The following SLC38A1 variants were observed in gnomAD, a reference collection of about 807,000 sequenced individuals.
SLC38A1 encodes solute carrier family 38 member 1.
In SLC38A1, 18 loss-of-function variants were observed where a neutral mutation model predicts 60.3. The observed-to-expected ratio is 0.30, with a 90% CI of 0.21 to 0.44. The LOEUF is 0.44. SLC38A1 is among the 20% of genes least tolerant of loss of function. The pLI is 1.00. For synonymous variants in SLC38A1, 196 were observed against 212.1 expected, an observed-to-expected ratio of 0.92 and a Z score of 0.66; for missense variants, 448 against 587.2, an observed-to-expected ratio of 0.76 and a Z score of 2.45.
intron 8 of SLC38A1, among the ~76,000 whole-genome samples, chr12:46,206,628 C>T (rs904576508): frequency 6.6e-6 from 1 of 152,132 alleles, no homozygotes; most frequent in Non-Finnish European, 1.5e-5. Context: ...CTGGCTTCTA[C>T]GATTCTCCCT....
chr12:46,192,687 A>C lies in SLC38A1; in HGVS notation c.1363-3616T>G, dbSNP rs975210013. Among the ~76,000 whole-genome samples, 4 of 152,142 alleles carry C rather than the reference A, an allele frequency of 2.6e-5. No individual in the cohort carries two copies. The East Asian group carries it at 5.8e-4, about 22-fold the overall frequency. On this transcript the variant is annotated intron_variant, in intron 16 of 16. Transcript: ENST00000398637. Reference sequence around the variant, plus strand: ...AGGGTTTATGTGCCCAGGAATTTATACATTTCTTCTAGATTTTCTAGTTTA... The same window carrying C: ...AGGGTTTATGTGCCCAGGAATTTATCCATTTCTTCTAGATTTTCTAGTTTA...
chr12:46,266,166 A>G (rs1337058666), intron 1 of SLC38A1, among the ~76,000 whole-genome samples: 4 of 152,214 alleles, frequency 2.6e-5, no homozygotes, highest in Admixed American at 1.3e-4. Context: ...GTCTCGATCC[A>G]ACAAGTATTT....
intron 5 of SLC38A1, among the ~76,000 whole-genome samples, chr12:46,217,430 A>G (rs1157779551): frequency 6.6e-6 from 1 of 152,258 alleles, no homozygotes; most frequent in Non-Finnish European, 1.5e-5. Flanking sequence ...CTCCGAACAG[A>G]GAGACTTTGC....
chr12:46,224,444 G>A (rs1208992046), intron 5 of SLC38A1, among the ~76,000 whole-genome samples: 1 of 152,112 alleles, frequency 6.6e-6, no homozygotes, highest in Non-Finnish European at 1.5e-5. Flanking sequence ...AAAATGAGCT[G>A]CAAACTCATC....
At chr12:46,209,459 C>T (rs367783248) in intron 5 of SLC38A1, among the ~76,000 whole-genome samples, 4 of 152,114 alleles carry the variant, frequency 2.6e-5, no homozygotes, top group South Asian at 2.1e-4. Context: ...CTGTTACATC[C>T]GGGTGAGAAA....
chr12:46,222,982 C>A (rs890048699), intron 5 of SLC38A1, among the ~76,000 whole-genome samples: 7 of 152,070 alleles, frequency 4.6e-5, no homozygotes, highest in Admixed American at 3.3e-4. Context: ...GGAACACTGG[C>A]TGATTTTATA....
Position 46,183,077 on chromosome 12 carries a change from A to AT in SLC38A1, c.*5892dup, listed in dbSNP as rs1004937995. ...ACATTTTTAAATACTTTTAGTTCAC[A>AT]TTTTTTAATGTTTAAAAACTATGTT... On this transcript the variant is annotated 3_prime_UTR_variant, in exon 17 of 17. Transcript: ENST00000398637. The AT allele has an allele frequency of 6.6e-6, 1 of 152,512 alleles. No individual in the cohort carries two copies. Among genetic ancestry groups the AT allele is most frequent in the Non-Finnish European group, 1.5e-5 (1 of 68,016 alleles). 9.4% of individuals were successfully genotyped at this position (152,512 alleles called of 1,614,324 possible). A position where few individuals can be genotyped will look rare whatever the true frequency, so the allele number is the denominator to read the frequency against.
At chr12:46,257,107 G>A (rs1942057302) in intron 1 of SLC38A1, among the ~76,000 whole-genome samples, 2 of 152,218 alleles carry the variant, frequency 1.3e-5, no homozygotes, top group Admixed American at 6.5e-5. Flanking sequence ...TGTCAGTCAA[G>A]AAGTGATCTT....
At chr12:46,246,754 T>A (rs1257315530) in intron 1 of SLC38A1, among the ~76,000 whole-genome samples, 1 of 152,160 alleles carries the variant, frequency 6.6e-6, no homozygotes, top group Non-Finnish European at 1.5e-5. Context: ...CACCTCCTAG[T>A]AGGGGCTGAC....
chr12:46,231,981 A>G (rs1441503069), intron 3 of SLC38A1, among the ~76,000 whole-genome samples: 4 of 152,228 alleles, frequency 2.6e-5, no homozygotes, highest in African/African-American at 7.2e-5. Flanking sequence ...CATATGTATC[A>G]TTGATGTTGA....
chr12:46,188,797 T>A lies in SLC38A1; in HGVS notation c.*173A>T. On this transcript the variant is annotated 3_prime_UTR_variant, in exon 17 of 17. Transcript: ENST00000398637. ...ATTGATCTCAAATCTTGGAGGGACA[T>A]GAAGCATTATAGAACCATGTCTCTG... is the stretch of plus-strand genomic sequence containing the variant. The A allele has an allele frequency of 2.0e-6, 1 of 504,656 alleles. No individual in the cohort carries two copies. The highest frequency in any genetic ancestry group is 3.3e-5 in the Admixed American group (1 of 30,708). 31.3% of individuals were successfully genotyped at this position (504,656 alleles called of 1,614,324 possible).
intron 5 of SLC38A1, among the ~76,000 whole-genome samples, chr12:46,227,725 A>G (rs1038063342): frequency 4.6e-5 from 7 of 152,244 alleles, no homozygotes; most frequent in African/African-American, 1.7e-4. Context: ...AAATAGTCAC[A>G]GAACCATAGC....
At chr12:46,245,467 G>A (rs1941583251) in intron 1 of SLC38A1, among the ~76,000 whole-genome samples, 1 of 152,212 alleles carries the variant, frequency 6.6e-6, no homozygotes, top group Admixed American at 6.5e-5. Flanking sequence ...GATAACAAGT[G>A]TTGGCAAGGG....
chr12:46,257,779 C>G (rs539444762), intron 1 of SLC38A1, among the ~76,000 whole-genome samples: 1 of 152,216 alleles, frequency 6.6e-6, no homozygotes, highest in South Asian at 2.1e-4. Flanking sequence ...TTACAAGACC[C>G]CAACACTTAC....
chr12:46,245,713 T>G (rs1941592841), intron 1 of SLC38A1, among the ~76,000 whole-genome samples: 1 of 152,136 alleles, frequency 6.6e-6, no homozygotes, highest in Non-Finnish European at 1.5e-5. Flanking sequence ...CATGCCACTA[T>G]GCTCCAACCT....
intron 3 of SLC38A1, among the ~76,000 whole-genome samples, chr12:46,238,872 T>C (rs1941346667): frequency 6.6e-6 from 1 of 152,240 alleles, no homozygotes; most frequent in Non-Finnish European, 1.5e-5. Flanking sequence ...GTCTCTATTA[T>C]AGTTCCTCAC....
Position 46,188,957 on chromosome 12 carries a change from T to C in SLC38A1, c.*13A>G. On this transcript the variant is annotated 3_prime_UTR_variant, in exon 17 of 17. Coordinates refer to ENST00000398637, the MANE Select transcript of SLC38A1 (RefSeq NM_030674.4). ...GAGCAGACAACAGGGATGTTTCTTT[T>C]TCTCGGCGGGTTTCAGTGGCCTTCG... is the stretch of plus-strand genomic sequence containing the variant. 1 of 1,610,844 alleles carries C rather than the reference T, an allele frequency of 6.2e-7. No individual in the cohort carries two copies. Among genetic ancestry groups the C allele is most frequent in the Non-Finnish European group, 8.5e-7 (1 of 1,177,956 alleles).
chr12:46,229,976 A>T (rs1230581584), intron 3 of SLC38A1, among the ~76,000 whole-genome samples: 1 of 152,264 alleles, frequency 6.6e-6, no homozygotes, highest in African/African-American at 2.4e-5. Context: ...TAAGTCAAAA[A>T]CAGCTATACA....
chr12:46,208,860 C>T (rs74082009), intron 6 of SLC38A1, among the ~76,000 whole-genome samples, 194 bp downstream of exon 6: 1,571 of 152,262 alleles, frequency 0.01, 39 homozygotes, highest in African/African-American at 0.036. Flanking sequence ...TTGTCCATGA[C>T]AATTTAATTT....
Sources: allele counts gnomAD v4.1 joint callset (sites outside exome capture counted in the v4.1 genomes callset), GRCh38; gene constraint gnomAD v4.1.1; transcripts MANE v1.5; gene names NCBI Gene and HGNC (gene_info 2026-07-23, HGNC 2026-07-21).